The following AGPAT2 variants were observed in gnomAD, a reference collection of about 807,000 sequenced individuals.
The protein encoded by AGPAT2 is 1-acylglycerol-3-phosphate O-acyltransferase 2, also known as 1-acyl-sn-glycerol-3-phosphate acyltransferase beta.
In AGPAT2, 18 loss-of-function variants were observed where a neutral mutation model predicts 26.1. The observed-to-expected ratio is 0.69, with a 90% CI of 0.48 to 1.02. The LOEUF (loss-of-function observed/expected upper bound fraction) is 1.02. AGPAT2 is among the 50% of genes least tolerant of loss of function. The pLI is 0.00. For missense variants in AGPAT2, 415 were observed against 394.9 expected (o/e 1.05, Z -0.43); for synonymous variants, 200 against 174.2 (o/e 1.15, Z -1.16).
At chr9:136,683,951 C>T (rs1402472881) in intron 1 of AGPAT2, among the ~76,000 whole-genome samples, 1 of 152,202 alleles carries the variant, frequency 6.6e-6, no homozygotes. Context: ...GTGCGTTCTC[C>T]CCACACTGGG....
Position 136,673,750 on chromosome 9 carries a change from G to C in AGPAT2, c.*2C>G, listed in dbSNP as rs1846043966. On this transcript the variant is annotated 3_prime_UTR_variant, in exon 6 of 6. Coordinates refer to ENST00000371696, the MANE Select transcript of AGPAT2 (RefSeq NM_006412.4). ...CCAGGTCATGCCCTGCCGTGGTCTG[G>C]GCTACTGGGCCGGCTGCACGCCAGA... The C allele has an allele frequency of 6.3e-7, 1 of 1,584,816 alleles. No individual in the cohort carries two copies. Among genetic ancestry groups the C allele is most frequent in the Non-Finnish European group, 8.6e-7 (1 of 1,166,680 alleles).
At chr9:136,674,037 C>T (rs1846052638) in intron 5 of AGPAT2, 110 bp from the exon 6 acceptor site, 1 of 1,140,102 alleles carries the variant, frequency 8.8e-7, no homozygotes. Context: ...CCCTGGGAAG[C>T]CCGAGGCCGG....
chr9:136,680,991 A>C (rs1398314045), intron 1 of AGPAT2, among the ~76,000 whole-genome samples: 8 of 152,016 alleles, frequency 5.3e-5, no homozygotes, highest in African/African-American at 1.9e-4. Flanking sequence ...GTGGTATAAC[A>C]CGCACCACCT....
chr9:136,679,649 A>G (rs1846136120), intron 1 of AGPAT2, among the ~76,000 whole-genome samples: 1 of 152,238 alleles, frequency 6.6e-6, no homozygotes, highest in Non-Finnish European at 1.5e-5. Context: ...CCAACAGGAA[A>G]CACAGAACTG....
chr9:136,678,324 C>G (rs1846119190), intron 1 of AGPAT2, among the ~76,000 whole-genome samples: 1 of 152,176 alleles, frequency 6.6e-6, no homozygotes, highest in African/African-American at 2.4e-5. Flanking sequence ...TGGCCTTGTC[C>G]AAGCAGCCCG....
chr9:136,685,109 C>G (rs1846206176), intron 1 of AGPAT2, among the ~76,000 whole-genome samples: 1 of 152,240 alleles, frequency 6.6e-6, no homozygotes, highest in Non-Finnish European at 1.5e-5. Flanking sequence ...CCCCAGGCCT[C>G]TCCTCCAGAC....
chr9:136,678,955 C>T (rs565539065), intron 1 of AGPAT2, among the ~76,000 whole-genome samples: 35 of 152,330 alleles, frequency 2.3e-4, no homozygotes, highest in Non-Finnish European at 4.7e-4. Flanking sequence ...CTTTCACCAT[C>T]TCTGGCCAGG....
chr9:136,675,849 G>A (rs1456015438), intron 4 of AGPAT2, among the ~76,000 whole-genome samples: 1 of 152,164 alleles, frequency 6.6e-6, no homozygotes, highest in Non-Finnish European at 1.5e-5. Context: ...GCCTTAGCTG[G>A]GAGCCTCTGG....
intron 1 of AGPAT2, among the ~76,000 whole-genome samples, chr9:136,683,793 C>T (rs561056108): frequency 2.0e-5 from 3 of 152,326 alleles, no homozygotes; most frequent in East Asian, 1.9e-4. Context: ...ACCAAGGTCA[C>T]GGTCTCCCTT....
At position 136,687,294 on chromosome 9, in the gene AGPAT2, G is replaced by A. The variant is rs765072538; in HGVS notation, c.64C>T (p.Arg22Cys). Reference protein sequence around the residue: ...LLLLLLVQLSRAAEFYAKVAL... With the variant: ...LLLLLLVQLSCAAEFYAKVAL... ...ACCTTGGCGTAGAACTCGGCCGCGC[G>A]GCTCAGCTGCACCAGCAGCAGCAGC... The change falls in exon 1 of 6, where the codon CGC (arginine) becomes TGC (cysteine). Residue 22 changes from arginine to cysteine, a missense_variant. Physicochemically the swap from Arg to Cys is radical, Grantham distance 180. Transcript: ENST00000371696. The A allele has an allele frequency of 6.3e-7, 1 of 1,582,578 alleles. No individual in the cohort carries two copies. The highest frequency in any genetic ancestry group is 1.4e-5 in the African/African-American group (1 of 71,266).
chr9:136,687,287 G>A lies in AGPAT2; in HGVS notation c.71C>T (p.Ala24Val), dbSNP rs1024066065. ...CAGGGCGACCTTGGCGTAGAACTCG[G>A]CCGCGCGGCTCAGCTGCACCAGCAG... is the stretch of plus-strand genomic sequence containing the variant. ...LLLLVQLSRA[A>V]EFYAKVALYC... is the part of the protein sequence containing the mutation. The change falls in exon 1 of 6, where the codon GCC (alanine) becomes GTC (valine). Residue 24 changes from alanine to valine, a missense_variant. Coordinates refer to ENST00000371696, the MANE Select transcript of AGPAT2 (RefSeq NM_006412.4). The A allele has an allele frequency of 1.3e-6, 2 of 1,585,030 alleles. No homozygotes were observed. The highest frequency in any genetic ancestry group is 1.7e-5 in the Admixed American group (1 of 57,904).
At chr9:136,674,083 T>G (rs1380070465) in intron 5 of AGPAT2, among the ~76,000 whole-genome samples, 156 bp from the exon 6 acceptor site, 1 of 152,202 alleles carries the variant, frequency 6.6e-6, no homozygotes, top group Non-Finnish European at 1.5e-5. Context: ...TGGTGGGTTA[T>G]TTTAATTGCA....
intron 1 of AGPAT2, among the ~76,000 whole-genome samples, chr9:136,679,145 C>T (rs534034061): frequency 1.2e-4 from 18 of 152,338 alleles, no homozygotes; most frequent in African/African-American, 4.3e-4. Flanking sequence ...TGGGCACATT[C>T]GGTGTCTAGC....
chr9:136,678,176 C>A lies in AGPAT2; in HGVS notation c.183-620G>T, dbSNP rs560767030. On this transcript the variant is annotated intron_variant, in intron 1 of 5. Transcript: ENST00000371696. ...CCCCGTGAAGAGGCGGCGAGGGGCT[C>A]GGGGCTTGTCTGAGGTCACACCAGG... is the stretch of plus-strand genomic sequence containing the variant. Among the ~76,000 whole-genome samples, 970 of 152,292 alleles carry A rather than the reference C, an allele frequency of 6.4e-3. 14 individuals carry two copies. Among genetic ancestry groups the A allele is most frequent in the African/African-American group, 0.022 (924 of 41,562 alleles).
In AGPAT2 at chr9:136,677,147, G is replaced by A; in HGVS notation, c.317-11C>T. 1 of 1,612,540 alleles carries A rather than the reference G, an allele frequency of 6.2e-7. No individual in the cohort carries two copies. ...GGACCTCCATGAGGCCTGGGAGACA[G>A]AGAGACAGAGACAGAGAGAGAGGGG... On this transcript the variant is annotated splice_polypyrimidine_tract_variant and intron_variant, in intron 2 of 5. Transcript: ENST00000371696.
chr9:136,674,098 C>T (rs376570897), intron 5 of AGPAT2, among the ~76,000 whole-genome samples, 171 bp from the exon 6 acceptor site: 16 of 152,348 alleles, frequency 1.1e-4, no homozygotes, highest in East Asian at 5.8e-4. Flanking sequence ...ATTGCAGTAA[C>T]GTTGCTGCAG....
chr9:136,687,145 C>T lies in AGPAT2; in HGVS notation c.182+31G>A, dbSNP rs768644494. 61 of 1,566,598 alleles carry T rather than the reference C, an allele frequency of 3.9e-5. No homozygotes were observed. In the South Asian group the frequency reaches 6.6e-4, roughly 17 times the overall value. On this transcript the variant is annotated intron_variant, in intron 1 of 5. Coordinates refer to ENST00000371696, the MANE Select transcript of AGPAT2 (RefSeq NM_006412.4). Reference sequence around the variant, plus strand: ...GGAAGCGGAAGCGGCGCGGCGGTTCCCCGGCCCCTCCCGGCGGCCCCCGGC... The same window carrying T: ...GGAAGCGGAAGCGGCGCGGCGGTTCTCCGGCCCCTCCCGGCGGCCCCCGGC...
At position 136,673,706 on chromosome 9, in the gene AGPAT2, C is replaced by CCA. The variant is rs1846042725; in HGVS notation, c.*45_*46insTG. Reference sequence around the variant, plus strand: ...TCCCCTCTGCCCATCCTCCAGCCATCGGCTTCCACCTGCCCTCCCCAGGTC... The same window carrying CCA: ...TCCCCTCTGCCCATCCTCCAGCCATCCAGGCTTCCACCTGCCCTCCCCAGGTC... On this transcript the variant is annotated 3_prime_UTR_variant, in exon 6 of 6. Transcript: ENST00000371696. The CCA allele has an allele frequency of 6.7e-7, 1 of 1,502,464 alleles. No homozygotes were observed. The highest frequency in any genetic ancestry group is 1.4e-5 in the African/African-American group (1 of 71,892). The allele number at this position is 1,502,464 out of a possible 1,614,324, so 93.1% of individuals were successfully genotyped here. A position where few individuals can be genotyped will look rare whatever the true frequency, so the allele number is the denominator to read the frequency against.
intron 1 of AGPAT2, among the ~76,000 whole-genome samples, chr9:136,682,016 C>T (rs550457129): frequency 2.0e-5 from 3 of 152,250 alleles, no homozygotes; most frequent in Non-Finnish European, 2.9e-5. Context: ...AGGGTAGGTA[C>T]GATCATAACC....
Sources: allele counts gnomAD v4.1 joint callset (sites outside exome capture counted in the v4.1 genomes callset), GRCh38; gene constraint gnomAD v4.1.1; transcripts MANE v1.5; gene names NCBI Gene and HGNC (gene_info 2026-07-23, HGNC 2026-07-21).